PLGRKT: variants seen among roughly 807,000 people sequenced by gnomAD.
PLGRKT encodes the protein plasminogen receptor with a C-terminal lysine.
In PLGRKT, 22 loss-of-function variants were observed where a neutral mutation model predicts 18.5. The ratio of observed to expected loss-of-function variants is 1.19; its 90% CI spans 0.85 to 1.70. PLGRKT has a LOEUF of 1.70. Among genes scored for constraint, PLGRKT ranks in the 40% most tolerant of loss-of-function variants. PLGRKT has a pLI of 0.00. For missense variants in PLGRKT, 235 were observed against 174.4 expected (o/e 1.35, Z -1.96); for synonymous variants, 72 against 52.8 (o/e 1.36, Z -1.58).
chr9:5,424,561 A>G (rs1298969991), intron 3 of PLGRKT, among the ~76,000 whole-genome samples: 1 of 134,786 alleles, frequency 7.4e-6, no homozygotes, highest in Non-Finnish European at 1.5e-5. Context: ...TTTATATAAT[A>G]CAATATAATA....
chr9:5,370,660 T>C (rs1323892011), intron 3 of PLGRKT, among the ~76,000 whole-genome samples: 1 of 152,258 alleles, frequency 6.6e-6, no homozygotes. Context: ...AGACCTGTTT[T>C]TGTTTTGTTT....
At position 5,434,567 on chromosome 9, in the gene PLGRKT, G is replaced by A. The variant is rs369369776; in HGVS notation, c.-7+2002C>T. Among the ~76,000 whole-genome samples, 56 of 147,434 alleles carry A rather than the reference G, an allele frequency of 3.8e-4. No individual in the cohort carries two copies. In the South Asian group the frequency reaches 9.0e-3, roughly 24 times the overall value. On this transcript the variant is annotated intron_variant, in intron 2 of 5. Coordinates refer to ENST00000223864, the MANE Select transcript of PLGRKT (RefSeq NM_018465.4). The stretch of plus-strand genomic sequence containing the variant: ...GGGAGCGCCTCTGCCCAGCCGCCCC[G>A]TCTGGGAAGTGGGCGCCTCTGCCTG...
chr9:5,401,235 G>A (rs750725353), intron 3 of PLGRKT, among the ~76,000 whole-genome samples: 77 of 151,806 alleles, frequency 5.1e-4, no homozygotes, highest in Non-Finnish European at 5.1e-4. Flanking sequence ...ACTACTGGAA[G>A]TCTATCAAAG....
In PLGRKT at chr9:5,358,112, C is replaced by G. The variant is rs533760265; in HGVS notation, c.*127G>C. The G allele has an allele frequency of 4.2e-4, 268 of 634,902 alleles. No individual in the cohort carries two copies. Among genetic ancestry groups the G allele is most frequent in the Non-Finnish European group, 6.5e-4 (253 of 392,204 alleles). 39.3% of individuals were successfully genotyped at this position (634,902 alleles called of 1,614,324 possible). ...AATTTTATTTTAAAATAGCTCAAAA[C>G]TATCTTGCATTTTAATATTTTAAAA... On this transcript the variant is annotated 3_prime_UTR_variant, in exon 6 of 6. Coordinates refer to ENST00000223864, the MANE Select transcript of PLGRKT (RefSeq NM_018465.4).
Position 5,420,343 on chromosome 9 carries a change from T to C in PLGRKT, c.81+11554A>G, listed in dbSNP as rs141960237. On this transcript the variant is annotated intron_variant, in intron 3 of 5. Transcript: ENST00000223864. Reference sequence around the variant, plus strand: ...AATAGTGGTGACAGTTGCACAACACTGTACATGTACTAAATGTCACTGAAT... The same window carrying C: ...AATAGTGGTGACAGTTGCACAACACCGTACATGTACTAAATGTCACTGAAT... Among the ~76,000 whole-genome samples, 391 of 152,334 alleles carry C rather than the reference T, an allele frequency of 2.6e-3. 2 individuals are homozygous for C. Among genetic ancestry groups the C allele is most frequent in the African/African-American group, 8.5e-3 (354 of 41,572 alleles).
At chr9:5,434,292 C>T (rs1818910092) in intron 2 of PLGRKT, among the ~76,000 whole-genome samples, 1 of 144,308 alleles carries the variant, frequency 6.9e-6, no homozygotes, top group African/African-American at 2.6e-5. Flanking sequence ...GCGCCTCTGC[C>T]CGGCCGCCCC....
At chr9:5,378,703 A>G (rs1249092668) in intron 3 of PLGRKT, among the ~76,000 whole-genome samples, 2 of 152,214 alleles carry the variant, frequency 1.3e-5, no homozygotes, top group East Asian at 3.8e-4. Flanking sequence ...AGAATTTTTT[A>G]TAAATCAGAC....
intron 3 of PLGRKT, among the ~76,000 whole-genome samples, chr9:5,383,103 G>A (rs539804881): frequency 2.0e-4 from 31 of 152,312 alleles, no homozygotes; most frequent in African/African-American, 7.5e-4. Flanking sequence ...GACACACAGA[G>A]TAGAGAGGCC....
chr9:5,375,318 G>A (rs980369230), intron 3 of PLGRKT, among the ~76,000 whole-genome samples: 4 of 152,166 alleles, frequency 2.6e-5, no homozygotes, highest in South Asian at 2.1e-4. Flanking sequence ...CCAGGTATGT[G>A]TGGGGGAGGT....
At chr9:5,379,748 T>C (rs903926358) in intron 3 of PLGRKT, among the ~76,000 whole-genome samples, 6 of 152,198 alleles carry the variant, frequency 3.9e-5, no homozygotes, top group African/African-American at 1.2e-4. Flanking sequence ...GAGTCTCATA[T>C]AGATAAAAAT....
At chr9:5,404,816 T>C (rs1178183522) in intron 3 of PLGRKT, among the ~76,000 whole-genome samples, 1 of 152,128 alleles carries the variant, frequency 6.6e-6, no homozygotes, top group Non-Finnish European at 1.5e-5. Context: ...TGTATTCAAA[T>C]AGGAAGAGAG....
chr9:5,396,541 C>G (rs150669295), intron 3 of PLGRKT, among the ~76,000 whole-genome samples: 2 of 151,904 alleles, frequency 1.3e-5, no homozygotes, highest in Admixed American at 1.3e-4. Flanking sequence ...GTGATCTGCC[C>G]ACCTCAGCCT....
chr9:5,419,007 A>G (rs1422054681), intron 3 of PLGRKT: 3 of 552,958 alleles, frequency 5.4e-6, no homozygotes, highest in Non-Finnish European at 6.3e-6. Context: ...GGCAAGGCCA[A>G]GGGGAAGGGG....
At chr9:5,403,016 T>C (rs1195997303) in intron 3 of PLGRKT, among the ~76,000 whole-genome samples, 1 of 151,758 alleles carries the variant, frequency 6.6e-6, no homozygotes, top group Non-Finnish European at 1.5e-5. Context: ...AAAATAGTAT[T>C]CTCCCCTGGA....
intron 3 of PLGRKT, among the ~76,000 whole-genome samples, chr9:5,370,010 G>T (rs113553346): frequency 2.6e-5 from 4 of 152,128 alleles, no homozygotes; most frequent in African/African-American, 9.6e-5. Flanking sequence ...GATGGGTGCA[G>T]CAAACCACCA....
At chr9:5,425,534 T>A (rs1173061520) in intron 3 of PLGRKT, among the ~76,000 whole-genome samples, 2 of 152,220 alleles carry the variant, frequency 1.3e-5, no homozygotes, top group Non-Finnish European at 2.9e-5. Context: ...ATCTCCATTA[T>A]AGATTATATT....
intron 3 of PLGRKT, among the ~76,000 whole-genome samples, chr9:5,408,608 G>A (rs1446359261): frequency 6.6e-6 from 1 of 152,238 alleles, no homozygotes; most frequent in East Asian, 1.9e-4. Flanking sequence ...CCATGTGGTA[G>A]AAAAGAAAAG....
rs760493147 is a variant in PLGRKT, at chr9:5,389,945, G to C, written c.82-28057C>G. 2.6e-5 allele frequency among the ~76,000 whole-genome samples: 4 copies of C among 151,738 alleles called. No homozygotes were observed. In the East Asian group the frequency reaches 7.7e-4, roughly 29 times the overall value. ...ATATCAAGGAGGAGTGAGGAACAAG[G>C]GTGTGATTTCCAGGGTCCTGAAATG... On this transcript the variant is annotated intron_variant, in intron 3 of 5. Coordinates refer to ENST00000223864, the MANE Select transcript of PLGRKT (RefSeq NM_018465.4).
At chr9:5,413,423 G>C (rs961253446) in intron 3 of PLGRKT, among the ~76,000 whole-genome samples, 1 of 152,076 alleles carries the variant, frequency 6.6e-6, no homozygotes, top group African/African-American at 2.4e-5. Flanking sequence ...CTCAGCTCAG[G>C]ATTTTAAGAT....
Sources: gnomAD v4.1 joint callset for allele counts (sites outside exome capture counted in the v4.1 genomes callset) on GRCh38, gnomAD v4.1.1 for gene constraint, MANE v1.5 for transcripts, NCBI Gene and HGNC (gene_info 2026-07-23, HGNC 2026-07-21) for gene names.